Variants in SIAH2 observed in about 807,000 individuals in gnomAD.
SIAH2 encodes siah E3 ubiquitin protein ligase 2.
A neutral mutation model predicts 20.4 loss-of-function variants in SIAH2; 4 were observed. The ratio of observed to expected loss-of-function variants is 0.20; its 90% CI spans 0.10 to 0.45. SIAH2 has a LOEUF of 0.45. Among genes scored for constraint, SIAH2 ranks in the 20% least tolerant of loss-of-function variants. SIAH2 has a pLI of 0.99. For missense variants in SIAH2, 259 were observed against 440.3 expected, an observed-to-expected ratio of 0.59 and a Z score of 3.69; for synonymous variants, 171 against 192.5, an observed-to-expected ratio of 0.89 and a Z score of 0.93.
At chr3:150,743,503 T>C (rs1714144696) in intron 1 of SIAH2, among the ~76,000 whole-genome samples, 1 of 152,172 alleles carries the variant, frequency 6.6e-6, no homozygotes, top group African/African-American at 2.4e-5. Flanking sequence ...CTTCCTCAGA[T>C]TCAAGAGCAC....
At position 150,742,449 on chromosome 3, in the gene SIAH2, A is replaced by C. The variant is rs781292709; in HGVS notation, c.667T>G (p.Ser223Ala). ...PGAVDWVMMQ[S>A]CFGHHFMLVL... ...AGCATGAAGTGATGGCCAAAACATG[A>C]CTGCATCATCACCCAGTCGACAGCC... is the stretch of plus-strand genomic sequence containing the variant. Residue 223 changes from serine (S) to alanine (A), a missense_variant, in exon 2 of 2, where the codon TCA becomes GCA. Ser to Ala is a moderately conservative substitution (Grantham distance 99, BLOSUM62 1). This residue lies in a region of SIAH2 where 160 missense variants were observed against 327.6 expected (regional missense o/e 0.49). Transcript: ENST00000312960. The surrounding 1 kb of genome is among the most constrained non-coding windows in gnomAD (Gnocchi z 4.8). 6.8e-6 allele frequency: 11 copies of C among 1,614,042 alleles called. No individual in the cohort carries two copies. The highest frequency in any genetic ancestry group is 1.1e-5 in the South Asian group (1 of 91,086).
intron 1 of SIAH2, among the ~76,000 whole-genome samples, chr3:150,752,512 G>A (rs966424476): frequency 6.6e-6 from 1 of 152,064 alleles, no homozygotes; most frequent in African/African-American, 2.4e-5. Context: ...GGGAGGCTGA[G>A]GCATGAGAAT....
At chr3:150,748,613 G>C (rs1360501291) in intron 1 of SIAH2, among the ~76,000 whole-genome samples, 2 of 152,314 alleles carry the variant, frequency 1.3e-5, no homozygotes, top group East Asian at 3.9e-4. Flanking sequence ...TACGTCCTAG[G>C]AAACAGCTGA....
intron 1 of SIAH2, among the ~76,000 whole-genome samples, chr3:150,752,933 C>T (rs1714402828): frequency 6.6e-6 from 1 of 152,164 alleles, no homozygotes. Context: ...GGAGTTTCTG[C>T]CCCCAAACTT....
intron 1 of SIAH2, among the ~76,000 whole-genome samples, chr3:150,755,898 C>T (rs998344051): frequency 1.3e-5 from 2 of 151,466 alleles, no homozygotes; most frequent in Admixed American, 1.3e-4. Context: ...GATCTGCCCT[C>T]CTCAGCCTCC....
chr3:150,745,111 TCTG>T (rs989213986), intron 1 of SIAH2, among the ~76,000 whole-genome samples: 14 of 152,168 alleles, frequency 9.2e-5, no homozygotes, highest in Non-Finnish European at 2.1e-4. Flanking sequence ...AGGTGCTTAC[TCTG>T]CTTTTACTGA....
intron 1 of SIAH2, among the ~76,000 whole-genome samples, chr3:150,749,426 G>A (rs1371338783): frequency 6.6e-6 from 1 of 152,066 alleles, no homozygotes; most frequent in Non-Finnish European, 1.5e-5. Flanking sequence ...GATTGCTTGA[G>A]CCTGGGAGGT....
chr3:150,762,590 A>G lies in SIAH2; in HGVS notation c.260T>C (p.Val87Ala). 6.2e-7 allele frequency: 1 copy of G among 1,613,126 alleles called. No individual in the cohort carries two copies. Among genetic ancestry groups the G allele is most frequent in the Non-Finnish European group, 8.5e-7 (1 of 1,179,850 alleles). ...CTGGCACTGCAGAATAGGAGGCAGG[A>G]CATAGTCAAAGCAGACCGGACACTC... The part of the protein sequence containing the change: ...LFECPVCFDY[V>A]LPPILQCQAG... Residue 87 changes from valine to alanine, a missense_variant, in exon 1 of 2, where the codon GTC (valine) becomes GCC (alanine). By Grantham distance (64) the Val-to-Ala change is moderately conservative (BLOSUM62 0). This residue lies in a region of SIAH2 where 160 missense variants were observed against 327.6 expected (regional missense o/e 0.49). Coordinates refer to ENST00000312960, the MANE Select transcript of SIAH2 (RefSeq NM_005067.7). This position sits in a 1 kb window ranked among gnomAD's most constrained non-coding sequence, Gnocchi z 6.6.
chr3:150,754,928 T>A (rs1004111089), intron 1 of SIAH2, among the ~76,000 whole-genome samples: 1 of 152,272 alleles, frequency 6.6e-6, no homozygotes, highest in South Asian at 2.1e-4. Context: ...GGGAAGCTCA[T>A]TGGGAAAATC....
intron 1 of SIAH2, among the ~76,000 whole-genome samples, chr3:150,758,992 A>T (rs947834520): frequency 6.6e-6 from 1 of 151,860 alleles, no homozygotes; most frequent in Non-Finnish European, 1.5e-5. Context: ...TGATCCACCC[A>T]CCTCAGCCTC....
At chr3:150,752,955 G>A (rs1040524104) in intron 1 of SIAH2, among the ~76,000 whole-genome samples, 3 of 152,196 alleles carry the variant, frequency 2.0e-5, no homozygotes, top group Non-Finnish European at 2.9e-5. Flanking sequence ...AAAACTGCAC[G>A]AGCATGGGTG....
intron 1 of SIAH2, among the ~76,000 whole-genome samples, chr3:150,745,433 G>C (rs1553759408): frequency 6.6e-6 from 1 of 152,078 alleles, no homozygotes; most frequent in Non-Finnish European, 1.5e-5. Flanking sequence ...ATGTAAAACT[G>C]TCTAGGTGCT....
Position 150,762,292 on chromosome 3 carries a change from G to A in SIAH2, c.417+141C>T. 6.9e-7 allele frequency: 1 copy of A among 1,449,444 alleles called. No homozygotes were observed. The highest frequency in any genetic ancestry group is 1.4e-5 in the South Asian group (1 of 70,576). 89.8% of individuals were successfully genotyped at this position (1,449,444 alleles called of 1,614,324 possible). On this transcript the variant is annotated intron_variant, in intron 1 of 1. Transcript: ENST00000312960. The surrounding 1 kb of genome is among the most constrained non-coding windows in gnomAD (Gnocchi z 6.6). The stretch of plus-strand genomic sequence containing the variant: ...TACACCCAAAGTGGGCTTGAGGGAG[G>A]GTGGACGAAGTGTAAACATTTTTTC...
chr3:150,757,393 G>A (rs1714506077), intron 1 of SIAH2, among the ~76,000 whole-genome samples: 1 of 152,156 alleles, frequency 6.6e-6, no homozygotes, highest in African/African-American at 2.4e-5. Context: ...CATCATCTGA[G>A]GGTTCCTGAT....
chr3:150,752,588 G>A (rs1385022014), intron 1 of SIAH2, among the ~76,000 whole-genome samples: 3 of 151,842 alleles, frequency 2.0e-5, no homozygotes, highest in Non-Finnish European at 4.4e-5. Context: ...CAGCCTGGGC[G>A]ACAGAGCGAG....
In SIAH2 at chr3:150,750,375, C is replaced by T. The variant is rs369989585; in HGVS notation, c.418-7677G>A. On this transcript the variant is annotated intron_variant, in intron 1 of 1. Coordinates refer to ENST00000312960, the MANE Select transcript of SIAH2 (RefSeq NM_005067.7). ...ATGAATAAATGTTAGATGTATCTGC[C>T]GAAGATGGAATGTTTTCCACCATGT... Among the ~76,000 whole-genome samples the T allele has an allele frequency of 9.2e-5, 14 of 152,014 alleles. No homozygotes were observed. The East Asian group carries it at 2.5e-3, about 27-fold the overall frequency.
intron 1 of SIAH2, among the ~76,000 whole-genome samples, chr3:150,745,644 T>C (rs906333676): frequency 1.3e-5 from 2 of 152,194 alleles, no homozygotes; most frequent in South Asian, 2.1e-4. Context: ...TACAGGTGCC[T>C]GCCACCACAC....
Position 150,762,823 on chromosome 3 carries a change from G to T in SIAH2, c.27C>A (p.Pro9=). Residue 9 remains proline, a synonymous_variant, in exon 1 of 2, where the codon CCC becomes CCA. Transcript: ENST00000312960. The surrounding 1 kb of genome is among the most constrained non-coding windows in gnomAD (Gnocchi z 6.6). ...GCTTGCTGCAGGGTTTATTAGCGCT[G>T]GGGCCGGTGGAGGACGGGCGGCTCA... MSRPSSTG[P]SANKPCSKQP... The T allele has an allele frequency of 8.2e-7, 1 of 1,220,106 alleles. No homozygotes were observed. The highest frequency in any genetic ancestry group is 1.0e-6 in the Non-Finnish European group (1 of 966,224). The allele number at this position is 1,220,106 out of a possible 1,614,324, so 75.6% of individuals were successfully genotyped here.
chr3:150,758,868 G>C (rs1714542607), intron 1 of SIAH2, among the ~76,000 whole-genome samples: 1 of 151,638 alleles, frequency 6.6e-6, no homozygotes, highest in Non-Finnish European at 1.5e-5. Flanking sequence ...TCAGTCTCCT[G>C]AGTAGCTGAT....
Sources: gnomAD v4.1 joint callset for allele counts (sites outside exome capture counted in the v4.1 genomes callset) on GRCh38, gnomAD v4.1.1 for gene constraint, gnomAD v4.1.1 regional missense constraint, Gnocchi (gnomAD v3.1) non-coding constraint, MANE v1.5 for transcripts, NCBI Gene and HGNC (gene_info 2026-07-23, HGNC 2026-07-21) for gene names.